The following CNTNAP5 variants were observed in gnomAD, a reference collection of about 807,000 sequenced individuals.
CNTNAP5 encodes the protein contactin-associated protein-like 5.
CNTNAP5 carries 72 observed loss-of-function variants against 150.2 expected under a neutral mutation model. The ratio of observed to expected loss-of-function variants is 0.48; its 90% CI spans 0.40 to 0.58. The LOEUF (loss-of-function observed/expected upper bound fraction) is 0.58. CNTNAP5 is among the 20% of genes least tolerant of loss of function. The pLI, the probability that CNTNAP5 is intolerant of heterozygous loss-of-function variation, is 0.00. For synonymous variants in CNTNAP5, 672 were observed against 619.8 expected (o/e 1.08, Z -1.25); for missense variants, 1,636 against 1,626.2 (o/e 1.01, Z -0.10).
At chr2:124,858,924 C>A (rs913062879) in intron 19 of CNTNAP5, among the ~76,000 whole-genome samples, 1 of 152,158 alleles carries the variant, frequency 6.6e-6, no homozygotes, top group African/African-American at 2.4e-5. Flanking sequence ...GAATTAAAGA[C>A]ATAAATGTTA....
At chr2:124,731,594 A>G (rs962973784) in intron 13 of CNTNAP5, among the ~76,000 whole-genome samples, 2 of 151,944 alleles carry the variant, frequency 1.3e-5, no homozygotes, top group Non-Finnish European at 2.9e-5. Context: ...AAGGAGGGAG[A>G]GAGAGACAAA....
chr2:124,540,054 G>A (rs2104904921), intron 10 of CNTNAP5, among the ~76,000 whole-genome samples: 3 of 152,238 alleles, frequency 2.0e-5, no homozygotes, highest in Middle Eastern at 3.4e-3. Flanking sequence ...GAGTTAATTG[G>A]GAGAATGCAG....
chr2:124,843,599 C>A lies in CNTNAP5; in HGVS notation c.3218-21707C>A, dbSNP rs532920818. 1.6e-4 allele frequency among the ~76,000 whole-genome samples: 25 copies of A among 152,158 alleles called. No homozygotes were observed. In the South Asian group the frequency reaches 5.2e-3, roughly 32 times the overall value. ...GGAATCTCTACATTGTTTTTCATAG[C>A]GGTTGCACTGGTTTACATTCCTACC... On this transcript the variant is annotated intron_variant, in intron 19 of 23. Transcript: ENST00000682447.
intron 3 of CNTNAP5, among the ~76,000 whole-genome samples, chr2:124,410,415 A>G (rs1691720874): frequency 6.6e-6 from 1 of 151,536 alleles, no homozygotes; most frequent in East Asian, 2.0e-4. Context: ...CCCCAAATCA[A>G]CAGAATATAC....
intron 13 of CNTNAP5, among the ~76,000 whole-genome samples, chr2:124,673,764 TAAA>T (rs34165774): frequency 1.4e-5 from 2 of 143,228 alleles, no homozygotes. Context: ...CCTACAGCAT[TAAA>T]AAAAAAAAAA....
intron 3 of CNTNAP5, among the ~76,000 whole-genome samples, chr2:124,373,580 G>A (rs1299126279): frequency 1.3e-5 from 2 of 151,694 alleles, no homozygotes; most frequent in African/African-American, 4.8e-5. Flanking sequence ...AAATTCAAAC[G>A]GACAGCATAT....
intron 16 of CNTNAP5, among the ~76,000 whole-genome samples, chr2:124,765,017 C>T (rs908134880): frequency 4.0e-5 from 6 of 151,782 alleles, no homozygotes; most frequent in African/African-American, 1.5e-4. Flanking sequence ...GTGCTCATGT[C>T]CATTTATCTT....
intron 13 of CNTNAP5, among the ~76,000 whole-genome samples, chr2:124,730,188 C>T (rs1261603018): frequency 6.6e-6 from 1 of 151,814 alleles, no homozygotes; most frequent in Non-Finnish European, 1.5e-5. Context: ...ACAAGTTTTT[C>T]AATAAAAATC....
chr2:124,499,637 C>T (rs947497768), intron 7 of CNTNAP5, among the ~76,000 whole-genome samples: 1 of 152,168 alleles, frequency 6.6e-6, no homozygotes, highest in Non-Finnish European at 1.5e-5. Context: ...TCTGTGCTTT[C>T]CTGTTTGAAA....
chr2:124,222,804 G>T, intron 2 of CNTNAP5, among the ~76,000 whole-genome samples: 1 of 151,074 alleles, frequency 6.6e-6, no homozygotes, highest in Non-Finnish European at 1.5e-5. Flanking sequence ...CATTATTAGT[G>T]AGATTGATTT....
intron 13 of CNTNAP5, among the ~76,000 whole-genome samples, chr2:124,653,675 A>T (rs1005289897): frequency 6.7e-6 from 1 of 148,298 alleles, no homozygotes; most frequent in Non-Finnish European, 1.5e-5. Flanking sequence ...ACAGGTAGAA[A>T]AGAAACAGTA....
intron 1 of CNTNAP5, among the ~76,000 whole-genome samples, chr2:124,180,855 T>A (rs547092828): frequency 2.3e-4 from 34 of 148,570 alleles, no homozygotes; most frequent in African/African-American, 8.2e-4. Flanking sequence ...TTTCCTCTTA[T>A]TGTTCACCTT....
chr2:124,528,211 G>A (rs1201351784), intron 10 of CNTNAP5, among the ~76,000 whole-genome samples: 9 of 152,198 alleles, frequency 5.9e-5, no homozygotes, highest in Non-Finnish European at 1.2e-4. Flanking sequence ...GCTTGCCTAT[G>A]TGTTGATGAT....
rs77708704 is a variant in CNTNAP5, at chr2:124,154,281, C to A, written c.83-67424C>A. ...TGAGTTTGTATTCCCCTAGAGCAGA[C>A]CCTAAGACAGGAATTCAAGTGCAAG... On this transcript the variant is annotated intron_variant, in intron 1 of 23. Coordinates refer to ENST00000682447, the MANE Select transcript of CNTNAP5 (RefSeq NM_001367498.1). Among the ~76,000 whole-genome samples the A allele has an allele frequency of 2.8e-4, 42 of 152,124 alleles. 1 individual carries two copies. The East Asian group carries it at 7.2e-3, about 26-fold the overall frequency.
At chr2:124,836,207 C>T (rs143441436) in intron 19 of CNTNAP5, among the ~76,000 whole-genome samples, 95 of 152,180 alleles carry the variant, frequency 6.2e-4, no homozygotes, top group Middle Eastern at 3.4e-3. Context: ...AGTTATTTAC[C>T]TTGGAAAGCT....
In CNTNAP5 at chr2:124,715,964, C is replaced by T. The variant is rs1024566782; in HGVS notation, c.2078-31265C>T. Among the ~76,000 whole-genome samples the T allele has an allele frequency of 8.2e-4, 124 of 152,028 alleles. 1 individual carries two copies. Among genetic ancestry groups the T allele is most frequent in the African/African-American group, 2.8e-3 (116 of 41,422 alleles). ...CCTCCCATTGAAATATACCAAAAAG[C>T]GAGTGTACAACTCCTCTAAAACTAA... On this transcript the variant is annotated intron_variant, in intron 13 of 23. Transcript: ENST00000682447.
At chr2:124,484,620 C>T (rs181825083) in intron 7 of CNTNAP5, among the ~76,000 whole-genome samples, 2 of 152,172 alleles carry the variant, frequency 1.3e-5, no homozygotes, top group Non-Finnish European at 2.9e-5. Flanking sequence ...TAGCCTCACT[C>T]TGCTCACCAT....
intron 3 of CNTNAP5, among the ~76,000 whole-genome samples, chr2:124,368,647 G>A (rs1445756357): frequency 6.6e-6 from 1 of 152,118 alleles, no homozygotes; most frequent in East Asian, 1.9e-4. Flanking sequence ...CCTATATACT[G>A]GTATGGAAAA....
rs538075810 is a variant in CNTNAP5 at position 124,781,382 on chromosome 2, C to T, written c.2752+8365C>T. Among the ~76,000 whole-genome samples, 24 of 152,284 alleles carry T rather than the reference C, an allele frequency of 1.6e-4. No individual in the cohort carries two copies. The South Asian group carries it at 5.0e-3, about 32-fold the overall frequency. Reference sequence around the variant, plus strand: ...GAGGCAGGCCCCAGGCTCTATTTCTCTTACGTTGTGTAAGTGTTTATTTCC... The same window carrying T: ...GAGGCAGGCCCCAGGCTCTATTTCTTTTACGTTGTGTAAGTGTTTATTTCC... On this transcript the variant is annotated intron_variant, in intron 17 of 23. Coordinates refer to ENST00000682447, the MANE Select transcript of CNTNAP5 (RefSeq NM_001367498.1).
Sources: allele counts gnomAD v4.1 joint callset (sites outside exome capture counted in the v4.1 genomes callset), GRCh38; gene constraint gnomAD v4.1.1; transcripts MANE v1.5; gene names NCBI Gene and HGNC (gene_info 2026-07-23, HGNC 2026-07-21).